Variants in PDGFC observed in about 807,000 individuals in gnomAD.
PDGFC encodes platelet-derived growth factor C.
A neutral mutation model predicts 35.5 loss-of-function variants in PDGFC; 12 were observed. The observed-to-expected ratio is 0.34, with a 90% CI of 0.22 to 0.55. The LOEUF is 0.55. Ranked by LOEUF, PDGFC falls within the 20% of genes least tolerant of loss-of-function variation. The pLI is 0.91. For synonymous variants in PDGFC, 159 were observed against 148.8 expected, an observed-to-expected ratio of 1.07 and a Z score of -0.50; for missense variants, 322 against 412.4, an observed-to-expected ratio of 0.78 and a Z score of 1.90.
intron 1 of PDGFC, among the ~76,000 whole-genome samples, chr4:156,943,216 A>G (rs1351219098): frequency 6.6e-6 from 1 of 152,110 alleles, no homozygotes; most frequent in East Asian, 1.9e-4. Context: ...TGACGCAAAT[A>G]CAGCCTTAGG....
At chr4:156,823,530 C>T (rs1269819485) in intron 2 of PDGFC, among the ~76,000 whole-genome samples, 4 of 152,140 alleles carry the variant, frequency 2.6e-5, no homozygotes, top group Non-Finnish European at 5.9e-5. Context: ...AAGCAGATCA[C>T]AAAGCTCCTC....
chr4:156,875,191 AC>A (rs1560852336), intron 1 of PDGFC, among the ~76,000 whole-genome samples: 1 of 152,208 alleles, frequency 6.6e-6, no homozygotes, highest in South Asian at 2.1e-4. Context: ...CAGGAGGTAC[AC>A]CCGCAAGTTA....
At chr4:156,930,598 C>T (rs1000858902) in intron 1 of PDGFC, among the ~76,000 whole-genome samples, 3 of 152,258 alleles carry the variant, frequency 2.0e-5, no homozygotes, top group Non-Finnish European at 4.4e-5. Flanking sequence ...CCGGGCGCAG[C>T]GTCTCACGCC....
At chr4:156,835,594 T>A (rs1439753314) in intron 2 of PDGFC, among the ~76,000 whole-genome samples, 1 of 152,158 alleles carries the variant, frequency 6.6e-6, no homozygotes, top group Non-Finnish European at 1.5e-5. Flanking sequence ...TTTAACCCAA[T>A]AACCCAATCT....
intron 2 of PDGFC, among the ~76,000 whole-genome samples, chr4:156,847,262 T>A (rs575757602): frequency 9.2e-5 from 14 of 151,740 alleles, no homozygotes; most frequent in Admixed American, 9.2e-4. Flanking sequence ...CATACGTAAG[T>A]GATCAAAGCT....
intron 1 of PDGFC, among the ~76,000 whole-genome samples, chr4:156,926,699 C>T (rs565469554): frequency 1.1e-4 from 16 of 152,208 alleles, no homozygotes; most frequent in Non-Finnish European, 2.2e-4. Context: ...TGCGCAGCTC[C>T]GCCTCTGTGT....
At chr4:156,802,012 T>C (rs1731624682) in intron 3 of PDGFC, among the ~76,000 whole-genome samples, 1 of 152,200 alleles carries the variant, frequency 6.6e-6, no homozygotes, top group African/African-American at 2.4e-5. Context: ...AAATACATAA[T>C]TGTCTATTTT....
chr4:156,923,141 C>T (rs760464927), intron 1 of PDGFC, among the ~76,000 whole-genome samples: 33 of 152,238 alleles, frequency 2.2e-4, no homozygotes, highest in African/African-American at 3.9e-4. Context: ...AGCTGTGCTG[C>T]GGAATCAGTC....
intron 3 of PDGFC, among the ~76,000 whole-genome samples, chr4:156,783,956 G>C (rs1366991099): frequency 6.6e-6 from 1 of 152,136 alleles, no homozygotes; most frequent in South Asian, 2.1e-4. Flanking sequence ...AATGATTCTA[G>C]CTTCAGGGAA....
intron 1 of PDGFC, among the ~76,000 whole-genome samples, chr4:156,881,332 T>C (rs1197545011): frequency 6.6e-6 from 1 of 152,218 alleles, no homozygotes. Flanking sequence ...TGCTACTGTA[T>C]ACTGAATAGC....
At chr4:156,947,914 C>T (rs941532621) in intron 1 of PDGFC, among the ~76,000 whole-genome samples, 6 of 151,860 alleles carry the variant, frequency 4.0e-5, no homozygotes, top group African/African-American at 7.3e-5. Context: ...GTATGGTTGA[C>T]GGACATTCTA....
chr4:156,871,100 C>T (rs1729971941), intron 1 of PDGFC, among the ~76,000 whole-genome samples: 1 of 151,982 alleles, frequency 6.6e-6, no homozygotes, highest in Non-Finnish European at 1.5e-5. Context: ...GGCTATAATC[C>T]TTCGTATTCC....
intron 1 of PDGFC, among the ~76,000 whole-genome samples, chr4:156,910,791 G>T (rs1371131552): frequency 1.3e-5 from 2 of 152,042 alleles, no homozygotes; most frequent in Non-Finnish European, 2.9e-5. Flanking sequence ...TTACCTAACG[G>T]CAGATGCTCA....
intron 1 of PDGFC, among the ~76,000 whole-genome samples, chr4:156,928,965 C>T (rs917678013): frequency 2.6e-4 from 39 of 151,978 alleles, no homozygotes; most frequent in Non-Finnish European, 2.6e-4. Flanking sequence ...TAAAACACAA[C>T]GGTCAAAGAA....
intron 5 of PDGFC, among the ~76,000 whole-genome samples, chr4:156,765,203 G>T (rs1259010854): frequency 1.3e-5 from 2 of 152,156 alleles, no homozygotes; most frequent in African/African-American, 4.8e-5. Context: ...AATTCATTTT[G>T]AAAGTTTTGA....
intron 3 of PDGFC, among the ~76,000 whole-genome samples, chr4:156,808,809 G>GT (rs946920956): frequency 1.1e-4 from 17 of 152,040 alleles, no homozygotes; most frequent in African/African-American, 4.1e-4. Context: ...GAATGTGGCT[G>GT]TAAGTAGAGA....
At chr4:156,771,405 A>G (rs1730688999) in intron 4 of PDGFC, among the ~76,000 whole-genome samples, 1 of 152,156 alleles carries the variant, frequency 6.6e-6, no homozygotes, top group Non-Finnish European at 1.5e-5. Flanking sequence ...AGTCTTGCAG[A>G]TCTTCATCTT....
intron 3 of PDGFC, among the ~76,000 whole-genome samples, chr4:156,797,438 A>C (rs1459469163): frequency 6.6e-6 from 1 of 152,032 alleles, no homozygotes; most frequent in African/African-American, 2.4e-5. Context: ...AGTGATACGC[A>C]AAAAACAGAA....
At chr4:156,895,350 G>T (rs1049139338) in intron 1 of PDGFC, among the ~76,000 whole-genome samples, 8 of 152,088 alleles carry the variant, frequency 5.3e-5, no homozygotes, top group Non-Finnish European at 1.2e-4. Context: ...ATGAGTGGGT[G>T]TCAGCTGGGA....
Sources: gnomAD v4.1 joint callset for allele counts (sites outside exome capture counted in the v4.1 genomes callset) on GRCh38, gnomAD v4.1.1 for gene constraint, MANE v1.5 for transcripts, NCBI Gene and HGNC (gene_info 2026-07-23, HGNC 2026-07-21) for gene names.